ZBTB10: variants seen among roughly 807,000 people sequenced by gnomAD.
ZBTB10 encodes the protein zinc finger and BTB domain containing 10.
In ZBTB10, 32 loss-of-function variants were observed where a neutral mutation model predicts 76.4. That is an observed-to-expected ratio of 0.42 (90% CI 0.32 to 0.56). The LOEUF (loss-of-function observed/expected upper bound fraction) is 0.56, where lower values mean the gene tolerates loss of function less well. Ranked by LOEUF, ZBTB10 falls within the 20% of genes least tolerant of loss-of-function variation. The probability of loss-of-function intolerance (pLI) is 0.14; values close to 1 mark genes in which losing one functional copy is unlikely to be tolerated. For synonymous variants in ZBTB10, 523 were observed against 432.9 expected (o/e 1.21, Z -2.58); for missense variants, 1,057 against 1,098.5 (o/e 0.96, Z 0.53).
At position 80,487,344 on chromosome 8, in the gene ZBTB10, G is replaced by C; in HGVS notation, c.534G>C (p.Ala178=). ...LEGKELMQDG[A]SLSDSTEDEE... Reference sequence around the variant, plus strand: ...GGAAGGAGTTGATGCAGGACGGCGCGTCCCTGAGCGACAGCACCGAGGACG... The same window carrying C: ...GGAAGGAGTTGATGCAGGACGGCGCCTCCCTGAGCGACAGCACCGAGGACG... The change falls in exon 1 of 6, where the codon GCG becomes GCC. Residue 178 remains alanine, a synonymous_variant. Coordinates refer to ENST00000455036, the MANE Select transcript of ZBTB10 (RefSeq NM_001105539.3). 6.5e-7 allele frequency: 1 copy of C among 1,530,532 alleles called. No homozygotes were observed. The highest frequency in any genetic ancestry group is 1.2e-5 in the South Asian group (1 of 81,644). The allele number at this position is 1,530,532 out of a possible 1,614,324, so 94.8% of individuals were successfully genotyped here.
chr8:80,489,064 AAAGAT>A (rs1338557186), intron 1 of ZBTB10, among the ~76,000 whole-genome samples: 2 of 144,472 alleles, frequency 1.4e-5, no homozygotes, highest in African/African-American at 5.2e-5. Context: ...AAGGTCATTT[AAAGAT>A]ACAAGGCCGA....
In ZBTB10 at chr8:80,486,366, AC is replaced by A. The variant is rs1230222111; in HGVS notation, c.-444del. 2.0e-6 allele frequency: 2 copies of A among 988,076 alleles called. No individual in the cohort carries two copies. The highest frequency in any genetic ancestry group is 1.2e-4 in the Admixed American group (2 of 16,140). The allele number at this position is 988,076 out of a possible 1,614,324, so 61.2% of individuals were successfully genotyped here. On this transcript the variant is annotated 5_prime_UTR_variant, in exon 1 of 6. Transcript: ENST00000455036. ...CTGCGAAGCCGGCGGCGGCGTCGGG[AC>A]TCCTCGGCGCGCGGAGGAAGGATAT...
intron 3 of ZBTB10, among the ~76,000 whole-genome samples, chr8:80,516,116 G>T (rs898958429): frequency 7.2e-5 from 11 of 152,132 alleles, no homozygotes; most frequent in Admixed American, 6.5e-4. Context: ...TTGAGATGGG[G>T]TCTCACTCTG....
At chr8:80,507,119 C>G (rs1816078050) in intron 2 of ZBTB10, among the ~76,000 whole-genome samples, 1 of 150,456 alleles carries the variant, frequency 6.6e-6, no homozygotes, top group African/African-American at 2.5e-5. Flanking sequence ...ATCATCCTGG[C>G]CAACATGGTG....
At chr8:80,505,666 A>G (rs1404162492) in intron 2 of ZBTB10, among the ~76,000 whole-genome samples, 1 of 152,170 alleles carries the variant, frequency 6.6e-6, no homozygotes, top group Non-Finnish European at 1.5e-5. Context: ...AAAAAAGCAT[A>G]CAATTTGGTA....
intron 1 of ZBTB10, among the ~76,000 whole-genome samples, chr8:80,493,192 A>AGCGCGC (rs1815676493): frequency 8.5e-6 from 1 of 117,684 alleles, no homozygotes; most frequent in Non-Finnish European, 1.8e-5. Context: ...TGTGCCTCAA[A>AGCGCGC]ACGCGCGCGC....
chr8:80,504,974 C>T (rs1292860635), intron 2 of ZBTB10, among the ~76,000 whole-genome samples: 1 of 152,080 alleles, frequency 6.6e-6, no homozygotes, highest in Non-Finnish European at 1.5e-5. Flanking sequence ...CTTTATTTTG[C>T]GGGCTCATGG....
In ZBTB10 at chr8:80,499,597, A is replaced by G. The variant is rs1234338570; in HGVS notation, c.1076A>G (p.Lys359Arg). Residue 359 changes from lysine to arginine, a missense_variant, in exon 2 of 6, where the codon AAG (lysine) becomes AGG (arginine). Physicochemically the swap from Lys to Arg is conservative, Grantham distance 26. This residue lies in a region of ZBTB10 where 86 missense variants were observed against 145.7 expected (regional missense o/e 0.59). Coordinates refer to ENST00000455036, the MANE Select transcript of ZBTB10 (RefSeq NM_001105539.3). ...CTGCGACAACTAAATGAACAGAGAA[A>G]GAAAGGTATTCTTTGTGATGTCAGC... is the stretch of plus-strand genomic sequence containing the variant. ...QLLRQLNEQRKKGILCDVSIV... is the reference protein window; with the variant it reads ...QLLRQLNEQRRKGILCDVSIV... 6.2e-7 allele frequency: 1 copy of G among 1,614,006 alleles called. No individual in the cohort carries two copies. Among genetic ancestry groups the G allele is most frequent in the Non-Finnish European group, 8.5e-7 (1 of 1,179,876 alleles).
Position 80,487,128 on chromosome 8 carries a change from T to G in ZBTB10, c.318T>G (p.Leu106=). 1 of 1,483,400 alleles carries G rather than the reference T, an allele frequency of 6.7e-7. No homozygotes were observed. Among genetic ancestry groups the G allele is most frequent in the Non-Finnish European group, 8.9e-7 (1 of 1,117,726 alleles). 91.9% of individuals were successfully genotyped at this position (1,483,400 alleles called of 1,614,324 possible). ...LPQDAGGPTS[L]GGGAGGPLLA... Reference sequence around the variant, plus strand: ...AAGACGCGGGCGGCCCCACCTCGCTTGGCGGTGGCGCGGGGGGCCCCCTGC... The same window carrying G: ...AAGACGCGGGCGGCCCCACCTCGCTGGGCGGTGGCGCGGGGGGCCCCCTGC... Residue 106 remains leucine (L), a synonymous_variant, in exon 1 of 6, where the codon CTT becomes CTG. Coordinates refer to ENST00000455036, the MANE Select transcript of ZBTB10 (RefSeq NM_001105539.3).
chr8:80,522,464 C>G lies in ZBTB10; in HGVS notation c.*2936C>G, dbSNP rs537697259. ...CAAGATTGTGCATTATTAGAGTTCT[C>G]AGAGACAGATACTTCCATATGGACC... On this transcript the variant is annotated 3_prime_UTR_variant, in exon 6 of 6. Coordinates refer to ENST00000455036, the MANE Select transcript of ZBTB10 (RefSeq NM_001105539.3). The G allele has an allele frequency of 1.4e-4, 21 of 152,006 alleles. 1 individual carries two copies. The East Asian group carries it at 3.9e-3, about 28-fold the overall frequency. The allele number at this position is 152,006 out of a possible 1,614,324, so 9.4% of individuals were successfully genotyped here.
chr8:80,516,569 A>T (rs1028093729), intron 3 of ZBTB10, among the ~76,000 whole-genome samples: 1 of 152,200 alleles, frequency 6.6e-6, no homozygotes. Flanking sequence ...TCACTTTAGG[A>T]TTCTTACAAC....
chr8:80,487,005 G>A lies in ZBTB10; in HGVS notation c.195G>A (p.Glu65=). The part of the protein sequence containing the change: ...LQPPNGRGAD[E]EVELEGLEPQ... ...CGCCTAATGGGCGGGGGGCCGACGA[G>A]GAAGTGGAATTGGAGGGCCTGGAGC... The change falls in exon 1 of 6, where the codon GAG becomes GAA. Residue 65 remains glutamate (E), a synonymous_variant. Coordinates refer to ENST00000455036, the MANE Select transcript of ZBTB10 (RefSeq NM_001105539.3). The A allele has an allele frequency of 2.0e-6, 3 of 1,514,014 alleles. No individual in the cohort carries two copies. The highest frequency in any genetic ancestry group is 1.2e-5 in the South Asian group (1 of 82,026). 93.8% of individuals were successfully genotyped at this position (1,514,014 alleles called of 1,614,324 possible).
rs1052251742 is a variant in ZBTB10 at position 80,520,773 on chromosome 8, C to A, written c.*1245C>A. ...ATCTTACAAATAAAATTCTGAGAAG[C>A]TTTATTATTCTATAAATTCTTCAGG... is the stretch of plus-strand genomic sequence containing the variant. On this transcript the variant is annotated 3_prime_UTR_variant, in exon 6 of 6. Transcript: ENST00000455036. 8.0e-6 allele frequency: 1 copy of A among 125,162 alleles called. No individual in the cohort carries two copies. Among genetic ancestry groups the A allele is most frequent in the Non-Finnish European group, 1.6e-5 (1 of 64,200 alleles). 7.8% of individuals were successfully genotyped at this position (125,162 alleles called of 1,614,324 possible). A position where few individuals can be genotyped will look rare whatever the true frequency, so the allele number is the denominator to read the frequency against.
chr8:80,518,849 A>G lies in ZBTB10; in HGVS notation c.2205A>G (p.Arg735=). The G allele has an allele frequency of 6.2e-7, 1 of 1,612,734 alleles. No homozygotes were observed. Residue 735 remains arginine, a synonymous_variant, in exon 5 of 6, where the codon CGA becomes CGG. Transcript: ENST00000455036. ...GTAGCTATGTAGCCAAATACAGACG[A>G]ACACTAAAAAGGCACTTGCTCATTC... The part of the protein sequence containing the change: ...PHCSYVAKYR[R]TLKRHLLIHT...
intron 1 of ZBTB10, among the ~76,000 whole-genome samples, chr8:80,495,596 C>A (rs192959180): frequency 6.6e-6 from 1 of 152,038 alleles, no homozygotes; most frequent in South Asian, 2.1e-4. Flanking sequence ...AAGAGTCTTA[C>A]CCACTAACAG....
chr8:80,516,196 C>G (rs1360557835), intron 3 of ZBTB10, among the ~76,000 whole-genome samples: 2 of 152,180 alleles, frequency 1.3e-5, no homozygotes, highest in African/African-American at 4.8e-5. Context: ...ACTGGGATGA[C>G]AGGCACGAGC....
At position 80,500,332 on chromosome 8, in the gene ZBTB10, C is replaced by T; in HGVS notation, c.1811C>T (p.Pro604Leu). The T allele has an allele frequency of 6.3e-7, 1 of 1,585,590 alleles. No individual in the cohort carries two copies. The highest frequency in any genetic ancestry group is 8.6e-7 in the Non-Finnish European group (1 of 1,165,594). ...TTAGAAGATTGCTCAGTAATGCAGC[C>T]ACCTGTTGCCTATCCAGAAGAAAAT... ...TNLEDCSVMQPPVAYPEENTL... is the reference protein window; with the variant it reads ...TNLEDCSVMQLPVAYPEENTL... The change falls in exon 2 of 6, where the codon CCA becomes CTA. Residue 604 changes from proline (P) to leucine (L), a missense_variant. This residue lies in a region of ZBTB10 where 306 missense variants were observed against 297.5 expected (regional missense o/e 1.03). Transcript: ENST00000455036.
intron 1 of ZBTB10, 71 bp from the exon 2 acceptor site, chr8:80,499,423 G>A: frequency 7.1e-7 from 1 of 1,417,672 alleles, no homozygotes; most frequent in Non-Finnish European, 9.4e-7. Context: ...CTTGATAATT[G>A]TTTTCCTTGG....
intron 2 of ZBTB10, among the ~76,000 whole-genome samples, chr8:80,512,466 T>C (rs1209624044): frequency 6.6e-6 from 1 of 152,170 alleles, no homozygotes; most frequent in Non-Finnish European, 1.5e-5. Context: ...ATCCCAGCAC[T>C]TTGGGAGGCC....
Sources: gnomAD v4.1 joint callset for allele counts (sites outside exome capture counted in the v4.1 genomes callset) on GRCh38, gnomAD v4.1.1 for gene constraint, gnomAD v4.1.1 regional missense constraint, MANE v1.5 for transcripts, NCBI Gene and HGNC (gene_info 2026-07-23, HGNC 2026-07-21) for gene names.